DNAH11: variants seen among roughly 807,000 people sequenced by gnomAD.
DNAH11 encodes the protein axonemal beta dynein heavy chain 11.
DNAH11 carries 442 observed loss-of-function variants against 526.0 expected under a neutral mutation model. The ratio of observed to expected loss-of-function variants is 0.84; its 90% CI spans 0.78 to 0.91. The LOEUF is 0.91. Ranked by LOEUF, DNAH11 falls within the 40% of genes least tolerant of loss-of-function variation. The pLI, the probability that DNAH11 is intolerant of heterozygous loss-of-function variation, is 0.00. For synonymous variants in DNAH11, 2,461 were observed against 1,935.9 expected (o/e 1.27, Z -7.12); for missense variants, 6,989 against 5,448.7 (o/e 1.28, Z -8.90).
chr7:21,878,932 C>T lies in DNAH11; in HGVS notation c.12196-1770C>T, dbSNP rs368885861. ...TTTTAAAGGACAAGGCAGGGAAGGG[C>T]AGATTTTGGCCTCTTCCTCCCCTGT... On this transcript the variant is annotated intron_variant, in intron 74 of 81. Coordinates refer to ENST00000409508, the MANE Select transcript of DNAH11 (RefSeq NM_001277115.2). 1.3e-3 allele frequency among the ~76,000 whole-genome samples: 199 copies of T among 152,332 alleles called. 3 individuals carry two copies. Among genetic ancestry groups the T allele is most frequent in the South Asian group, 6.2e-3 (30 of 4,824 alleles).
chr7:21,790,881 A>T (rs1788452968), intron 61 of DNAH11, among the ~76,000 whole-genome samples: 1 of 152,236 alleles, frequency 6.6e-6, no homozygotes, highest in Non-Finnish European at 1.5e-5. Flanking sequence ...ACAGAATTTA[A>T]ATTTTATCCG....
intron 29 of DNAH11, among the ~76,000 whole-genome samples, chr7:21,656,222 A>G (rs1389938427): frequency 1.3e-5 from 2 of 152,176 alleles, no homozygotes; most frequent in Non-Finnish European, 2.9e-5. Context: ...GAATTGAGCT[A>G]GACAGAAGCA....
intron 63 of DNAH11, among the ~76,000 whole-genome samples, chr7:21,814,355 T>TATTG (rs1260082021): frequency 6.6e-6 from 1 of 151,370 alleles, no homozygotes; most frequent in Admixed American, 6.6e-5. Context: ...ATTTATTTTT[T>TATTG]TTTTATTTTT....
At chr7:21,654,194 A>G (rs1447429548) in intron 28 of DNAH11, among the ~76,000 whole-genome samples, 1 of 152,152 alleles carries the variant, frequency 6.6e-6, no homozygotes, top group Non-Finnish European at 1.5e-5. Context: ...CATTTTCATC[A>G]AGCCGAAAGT....
At chr7:21,691,386 G>A (rs952259090) in intron 35 of DNAH11, among the ~76,000 whole-genome samples, 5 of 151,344 alleles carry the variant, frequency 3.3e-5, no homozygotes, top group Non-Finnish European at 7.4e-5. Flanking sequence ...GCAGCTGCTG[G>A]CTCTGTCCTC....
In DNAH11 at chr7:21,683,777, C is replaced by A; in HGVS notation, c.5461-7C>A. ...TCCTGCGTATGATGATTATGCAATG[C>A]CTTTAGGTTGTCAGTCCCCAAGCTT... On this transcript the variant is annotated splice_polypyrimidine_tract_variant and splice_region_variant and intron_variant, in intron 31 of 81. Coordinates refer to ENST00000409508, the MANE Select transcript of DNAH11 (RefSeq NM_001277115.2). The A allele has an allele frequency of 1.3e-6, 2 of 1,596,500 alleles. No homozygotes were observed. Among genetic ancestry groups the A allele is most frequent in the Non-Finnish European group, 1.7e-6 (2 of 1,171,178 alleles).
In DNAH11 at chr7:21,807,896, G is replaced by A; in HGVS notation, c.10179G>A (p.Trp3393Ter). ...TCTTTCAGTCAGAGAAGATTCGCTG[G>A]GGTCAATCCATTAAGTCCTTTGAAG... ...VKELEAKKIR[W>*]GQSIKSFEAQ... The change falls in exon 63 of 82, where the codon TGG (tryptophan) becomes TGA (stop). Residue 3393 changes from tryptophan to a stop codon, truncating the protein, a stop_gained. Transcript: ENST00000409508. LOFTEE classifies it high-confidence loss of function. 1 of 1,596,198 alleles carries A rather than the reference G, an allele frequency of 6.3e-7. No homozygotes were observed. The highest frequency in any genetic ancestry group is 8.6e-7 in the Non-Finnish European group (1 of 1,166,338).
chr7:21,582,350 C>G (rs1176294044), intron 9 of DNAH11, among the ~76,000 whole-genome samples: 1 of 152,150 alleles, frequency 6.6e-6, no homozygotes, highest in Non-Finnish European at 1.5e-5. Flanking sequence ...TACCTTAATT[C>G]AGGAATTTCT....
intron 55 of DNAH11, among the ~76,000 whole-genome samples, chr7:21,768,364 G>C (rs1159003658): frequency 6.6e-6 from 1 of 152,206 alleles, no homozygotes; most frequent in Non-Finnish European, 1.5e-5. Flanking sequence ...TGAAAAACAA[G>C]TGATGTTTTT....
In DNAH11 at chr7:21,710,639, T is replaced by A. The variant is rs752450668; in HGVS notation, c.6770T>A (p.Val2257Asp). The A allele has an allele frequency of 1.2e-6, 2 of 1,613,324 alleles. No individual in the cohort carries two copies. Among genetic ancestry groups the A allele is most frequent in the Non-Finnish European group, 1.7e-6 (2 of 1,179,660 alleles). ...NLKHDGPKWI[V>D]LDGDIDPMWI... ...AAGCATGATGGACCAAAATGGATAG[T>A]CCTGGATGGCGATATTGACCCCATG... Residue 2257 changes from valine to aspartate, a missense_variant, in exon 41 of 82, where the codon GTC becomes GAC. Coordinates refer to ENST00000409508, the MANE Select transcript of DNAH11 (RefSeq NM_001277115.2).
chr7:21,595,661 G>T (rs890108292), intron 14 of DNAH11, among the ~76,000 whole-genome samples: 2 of 152,122 alleles, frequency 1.3e-5, no homozygotes, highest in African/African-American at 4.8e-5. Flanking sequence ...TGAATTTGAG[G>T]TGTTAATTAG....
At chr7:21,572,948 T>G (rs947514647) in intron 8 of DNAH11, among the ~76,000 whole-genome samples, 1 of 152,174 alleles carries the variant, frequency 6.6e-6, no homozygotes, top group African/African-American at 2.4e-5. Context: ...AGGCATTCAA[T>G]AAATACGTAC....
At chr7:21,810,009 A>T (rs1487360779) in intron 63 of DNAH11, among the ~76,000 whole-genome samples, 1 of 152,238 alleles carries the variant, frequency 6.6e-6, no homozygotes, top group African/African-American at 2.4e-5. Flanking sequence ...AACTGAAATC[A>T]AACTCAGATC....
At chr7:21,680,974 T>C (rs1013677480) in intron 30 of DNAH11, among the ~76,000 whole-genome samples, 3 of 152,194 alleles carry the variant, frequency 2.0e-5, no homozygotes. Context: ...GGGCTATCAT[T>C]AGGGTAGAGG....
chr7:21,674,789 C>T (rs1342973700), intron 30 of DNAH11, among the ~76,000 whole-genome samples: 1 of 152,184 alleles, frequency 6.6e-6, no homozygotes, highest in East Asian at 1.9e-4. Context: ...CTCACACGCA[C>T]ACCCAATCTA....
At position 21,852,596 on chromosome 7, in the gene DNAH11, G is replaced by C; in HGVS notation, c.11026G>C (p.Ala3676Pro). 1 of 1,604,982 alleles carries C rather than the reference G, an allele frequency of 6.2e-7. No homozygotes were observed. The highest frequency in any genetic ancestry group is 8.5e-7 in the Non-Finnish European group (1 of 1,176,972). The stretch of plus-strand genomic sequence containing the variant: ...CACCAAACTGGTAGAGAGATTGGAG[G>C]CAACAAAGACCACCGTGGCAGAGAT... Reference protein sequence around the residue: ...DDTKLVERLEATKTTVAEIEH... With the variant: ...DDTKLVERLEPTKTTVAEIEH... The change falls in exon 67 of 82, where the codon GCA becomes CCA. Residue 3676 changes from alanine (A) to proline (P), a missense_variant. Physicochemically the swap from Ala to Pro is conservative, Grantham distance 27. Transcript: ENST00000409508.
chr7:21,697,650 C>G (rs932403574), intron 35 of DNAH11, among the ~76,000 whole-genome samples: 4 of 152,146 alleles, frequency 2.6e-5, no homozygotes, highest in African/African-American at 9.7e-5. Context: ...TTGGAATCAG[C>G]CATGGTGGAA....
At position 21,735,763 on chromosome 7, in the gene DNAH11, G is replaced by A; in HGVS notation, c.7564G>A (p.Asp2522Asn). ...AGTGGGAAAAACAGTCTTTGTAGGTGACACATTGGCAAGTCTCTCTGAGGA... is the reference window on the plus strand; with the variant it reads ...AGTGGGAAAAACAGTCTTTGTAGGTAACACATTGGCAAGTCTCTCTGAGGA... Reference protein sequence around the residue: ...AGVGKTVFVGDTLASLSEDYI... With the variant: ...AGVGKTVFVGNTLASLSEDYI... The change falls in exon 46 of 82, where the codon GAC (aspartate) becomes AAC (asparagine). Residue 2522 changes from aspartate (D) to asparagine (N), a missense_variant. By Grantham distance (23) the Asp-to-Asn change is conservative. Coordinates refer to ENST00000409508, the MANE Select transcript of DNAH11 (RefSeq NM_001277115.2). The A allele has an allele frequency of 6.2e-7, 1 of 1,613,964 alleles. No individual in the cohort carries two copies.
At chr7:21,799,124 G>T (rs1223833206) in intron 61 of DNAH11, among the ~76,000 whole-genome samples, 1 of 152,010 alleles carries the variant, frequency 6.6e-6, no homozygotes, top group African/African-American at 2.4e-5. Flanking sequence ...CTTTGAGCTA[G>T]GTAACATTAT....
Sources: allele counts gnomAD v4.1 joint callset (sites outside exome capture counted in the v4.1 genomes callset), GRCh38; gene constraint gnomAD v4.1.1; transcripts MANE v1.5; gene names NCBI Gene and HGNC (gene_info 2026-07-23, HGNC 2026-07-21).